Variants in THSD7B observed in about 807,000 individuals in gnomAD.
THSD7B encodes thrombospondin type-1 domain-containing protein 7B.
In THSD7B, 138 loss-of-function variants were observed where a neutral mutation model predicts 213.6. The ratio of observed to expected loss-of-function variants is 0.65; its 90% CI spans 0.56 to 0.74. The LOEUF (loss-of-function observed/expected upper bound fraction) is 0.74, where lower values mean the gene tolerates loss of function less well. Ranked by LOEUF, THSD7B falls within the 30% of genes least tolerant of loss-of-function variation. THSD7B has a pLI of 0.00. For synonymous variants in THSD7B, 742 were observed against 687.0 expected (o/e 1.08, Z -1.25); for missense variants, 1,931 against 1,991.5 (o/e 0.97, Z 0.58).
chr2:137,621,777 C>T (rs535199750), intron 20 of THSD7B, among the ~76,000 whole-genome samples: 2 of 152,314 alleles, frequency 1.3e-5, no homozygotes, highest in South Asian at 4.1e-4. Context: ...TATAATAGAA[C>T]ACCTGAGGCT....
At position 136,868,341 on chromosome 2, in the gene THSD7B, A is replaced by G. The variant is rs16837220; in HGVS notation, c.-35-13803A>G. ...ATGATACAGGATAAAAGTAAATTCT[A>G]TCAAATCTCCTGAATCTAATGGCAA... On this transcript the variant is annotated intron_variant, in intron 1 of 27. Transcript: ENST00000409968. Among the ~76,000 whole-genome samples, 886 of 152,084 alleles carry G rather than the reference A, an allele frequency of 5.8e-3. 15 individuals carry two copies. In the South Asian group the frequency reaches 0.071, roughly 12 times the overall value.
chr2:137,258,086 C>A (rs546499266), intron 10 of THSD7B, among the ~76,000 whole-genome samples: 1 of 152,214 alleles, frequency 6.6e-6, no homozygotes, highest in South Asian at 2.1e-4. Context: ...ATTATAGTCT[C>A]CATATTAAAC....
intron 12 of THSD7B, among the ~76,000 whole-genome samples, chr2:137,287,459 C>A (rs565086553): frequency 1.3e-5 from 2 of 152,112 alleles, no homozygotes; most frequent in East Asian, 1.9e-4. Flanking sequence ...AGGTATTTTT[C>A]ATTTTCTTTG....
chr2:137,101,616 G>A (rs1268301685), intron 4 of THSD7B, among the ~76,000 whole-genome samples: 1 of 152,166 alleles, frequency 6.6e-6, no homozygotes, highest in Non-Finnish European at 1.5e-5. Context: ...CCCCTATGGA[G>A]CCCAGCAAGC....
rs1286053208 is a variant in THSD7B at position 137,676,962 on chromosome 2, T to G, written c.*357T>G. On this transcript the variant is annotated 3_prime_UTR_variant, in exon 28 of 28. Coordinates refer to ENST00000409968, the MANE Select transcript of THSD7B (RefSeq NM_001316349.2). Reference sequence around the variant, plus strand: ...AATGACAATCCAGAGGAAAATACAGTCAAGGCATTTACTCTAAATGACGAG... The same window carrying G: ...AATGACAATCCAGAGGAAAATACAGGCAAGGCATTTACTCTAAATGACGAG... 5.5e-6 allele frequency: 1 copy of G among 182,336 alleles called. No individual in the cohort carries two copies. Among genetic ancestry groups the G allele is most frequent in the East Asian group, 1.6e-4 (1 of 6,406 alleles). The allele number at this position is 182,336 out of a possible 1,614,324, so 11.3% of individuals were successfully genotyped here.
At chr2:136,864,639 A>C (rs561814642) in intron 1 of THSD7B, among the ~76,000 whole-genome samples, 1 of 151,238 alleles carries the variant, frequency 6.6e-6, no homozygotes, top group East Asian at 2.0e-4. Context: ...TGCAAGCTCC[A>C]CCTCCCAGGT....
At chr2:137,286,816 A>G (rs1683194558) in intron 12 of THSD7B, among the ~76,000 whole-genome samples, 1 of 152,146 alleles carries the variant, frequency 6.6e-6, no homozygotes, top group Non-Finnish European at 1.5e-5. Context: ...CATTTCCAGT[A>G]GGGGATGCAG....
At chr2:136,877,927 T>C (rs1683551007) in intron 1 of THSD7B, among the ~76,000 whole-genome samples, 1 of 152,098 alleles carries the variant, frequency 6.6e-6, no homozygotes, top group Admixed American at 6.5e-5. Context: ...CTTTTCTTGT[T>C]TTTTTAATTA....
intron 5 of THSD7B, among the ~76,000 whole-genome samples, chr2:137,132,408 C>G (rs725183): frequency 6.6e-6 from 1 of 151,580 alleles, no homozygotes. Context: ...GATTTGATTT[C>G]GGGAATGTTT....
intron 2 of THSD7B, among the ~76,000 whole-genome samples, chr2:136,949,820 G>A (rs1325995462): frequency 1.3e-5 from 2 of 152,144 alleles, no homozygotes; most frequent in African/African-American, 2.4e-5. Context: ...ATTGGACCCA[G>A]CAATCCCACT....
chr2:136,859,027 G>T (rs141620240), intron 1 of THSD7B, among the ~76,000 whole-genome samples: 1 of 152,166 alleles, frequency 6.6e-6, no homozygotes, highest in Admixed American at 6.5e-5. Context: ...TCTTTCCCAC[G>T]TGTGGGAAGG....
intron 1 of THSD7B, among the ~76,000 whole-genome samples, chr2:136,775,149 G>A (rs1189343131): frequency 6.6e-6 from 1 of 152,064 alleles, no homozygotes; most frequent in East Asian, 1.9e-4. Flanking sequence ...CTCCATAAAA[G>A]CACAGAAGGC....
chr2:137,423,509 A>G (rs534765194), intron 14 of THSD7B, among the ~76,000 whole-genome samples: 109 of 152,208 alleles, frequency 7.2e-4, no homozygotes, highest in African/African-American at 2.5e-3. Context: ...AACAATCAGA[A>G]AATGAAATTA....
At chr2:137,232,294 C>T (rs1558967249) in intron 8 of THSD7B, among the ~76,000 whole-genome samples, 1 of 152,126 alleles carries the variant, frequency 6.6e-6, no homozygotes, top group Non-Finnish European at 1.5e-5. Context: ...GGTCTTCCTG[C>T]CAGGGGATAG....
chr2:137,325,158 GT>G (rs1684341792), intron 12 of THSD7B, among the ~76,000 whole-genome samples: 1 of 45,252 alleles, frequency 2.2e-5, no homozygotes, highest in Non-Finnish European at 4.4e-5. Flanking sequence ...CACCTACATT[GT>G]TTTTTGTTTT....
intron 12 of THSD7B, among the ~76,000 whole-genome samples, chr2:137,347,614 A>T (rs1377433): frequency 0.56 from 83,782 of 148,290 alleles, 26,658 homozygotes; most frequent in East Asian, 0.78. Flanking sequence ...TAAGGAAGAG[A>T]TACTGGGCTT....
At chr2:137,370,992 A>G (rs1208081396) in intron 12 of THSD7B, among the ~76,000 whole-genome samples, 2 of 151,764 alleles carry the variant, frequency 1.3e-5, no homozygotes, top group Non-Finnish European at 2.9e-5. Context: ...TTTTCTATAT[A>G]CTTTTTTGCT....
At chr2:136,784,476 CTT>C (rs1278963544) in intron 1 of THSD7B, among the ~76,000 whole-genome samples, 1 of 151,826 alleles carries the variant, frequency 6.6e-6, no homozygotes, top group Admixed American at 6.6e-5. Flanking sequence ...AGGCTCCATT[CTT>C]TGTTTTGTTT....
rs1682379329 is a variant in THSD7B at position 137,616,052 on chromosome 2, T to G, written c.3424-123T>G. 6.1e-6 allele frequency: 6 copies of G among 979,070 alleles called. No homozygotes were observed. The East Asian group carries it at 1.4e-4, about 23-fold the overall frequency. 60.6% of individuals were successfully genotyped at this position (979,070 alleles called of 1,614,324 possible). The stretch of plus-strand genomic sequence containing the variant: ...ATGGTTTCATTTTCTAAGTAATATG[T>G]TTAACCCTCTAGATAATCTATTCCC... On this transcript the variant is annotated intron_variant, in intron 17 of 27. Transcript: ENST00000409968.
Sources: allele counts gnomAD v4.1 joint callset (sites outside exome capture counted in the v4.1 genomes callset), GRCh38; gene constraint gnomAD v4.1.1; transcripts MANE v1.5; gene names NCBI Gene and HGNC (gene_info 2026-07-23, HGNC 2026-07-21).